TUBGCP2: variants seen among roughly 807,000 people sequenced by gnomAD.
TUBGCP2 encodes the protein gamma-tubulin complex component 2.
A neutral mutation model predicts 92.2 loss-of-function variants in TUBGCP2; 55 were observed. The observed-to-expected ratio is 0.60, with a 90% CI of 0.48 to 0.75. The LOEUF is 0.75. TUBGCP2 is among the 30% of genes least tolerant of loss of function. The probability of loss-of-function intolerance (pLI) is 0.00; values close to 1 mark genes in which losing one functional copy is unlikely to be tolerated. For missense variants in TUBGCP2, 1,093 were observed against 1,188.9 expected (o/e 0.92, Z 1.19); for synonymous variants, 533 against 505.2 (o/e 1.06, Z -0.74).
chr10:133,299,938 A>G, intron 3 of TUBGCP2, 47 bp downstream of exon 3: 1 of 1,602,204 alleles, frequency 6.2e-7, no homozygotes. Flanking sequence ...CCCCACTCCC[A>G]ACATGGGCCG....
intron 3 of TUBGCP2, 151 bp from the exon 4 acceptor site, chr10:133,299,754 G>A (rs1035649207): frequency 2.8e-5 from 24 of 845,564 alleles, no homozygotes; most frequent in Admixed American, 8.2e-5. Context: ...GGAACTGAGC[G>A]TGACACATGC....
At chr10:133,287,764 G>A (rs951678075) in intron 11 of TUBGCP2, among the ~76,000 whole-genome samples, 2 of 151,394 alleles carry the variant, frequency 1.3e-5, no homozygotes, top group African/African-American at 2.4e-5. Context: ...AAAAAACAAC[G>A]ACAACAAAAA....
Position 133,302,789 on chromosome 10 carries a change from C to T in TUBGCP2, c.150+3G>A, listed in dbSNP as rs756548088. On this transcript the variant is annotated splice_donor_region_variant and intron_variant, in intron 2 of 17. Coordinates refer to ENST00000252936, the MANE Select transcript of TUBGCP2 (RefSeq NM_006659.4). The stretch of plus-strand genomic sequence containing the variant: ...ACAGCGCTACACCAAGGGCAGTGCT[C>T]ACCTTGGCACTGTGAGCAGAGACAG... 1.2e-6 allele frequency: 2 copies of T among 1,612,368 alleles called. No individual in the cohort carries two copies. Among genetic ancestry groups the T allele is most frequent in the Non-Finnish European group, 1.7e-6 (2 of 1,179,962 alleles).
At chr10:133,305,873 T>C (rs1036216639) in intron 1 of TUBGCP2, among the ~76,000 whole-genome samples, 1 of 152,232 alleles carries the variant, frequency 6.6e-6, no homozygotes, top group East Asian at 1.9e-4. Context: ...GCACGCGCCA[T>C]GGAGCCCCAT....
upstream of TUBGCP2, chr10:133,310,549 G>A (rs1847967454): frequency 1.0e-5 from 5 of 498,760 alleles, no homozygotes; most frequent in Non-Finnish European, 1.8e-5. Context: ...GTGGGAATGA[G>A]CGGGCGCAGC....
intron 2 of TUBGCP2, chr10:133,302,302 A>C (rs1847682420): frequency 4.8e-6 from 1 of 208,022 alleles, no homozygotes; most frequent in Non-Finnish European, 9.9e-6. Context: ...ACAGCCCTGC[A>C]CCAGGGGCAG....
At position 133,285,021 on chromosome 10, in the gene TUBGCP2, C is replaced by T; in HGVS notation, c.2024+64G>A. 7 of 1,540,954 alleles carry T rather than the reference C, an allele frequency of 4.5e-6. No homozygotes were observed. The highest frequency in any genetic ancestry group is 2.3e-5 in the East Asian group (1 of 44,074). ...AGGAGGGCACAAGGGGGGCGCTGCA[C>T]CACTGGGCAGAGTGCAGCGAGCGCT... On this transcript the variant is annotated intron_variant, in intron 13 of 17. Coordinates refer to ENST00000252936, the MANE Select transcript of TUBGCP2 (RefSeq NM_006659.4). This position sits in a 1 kb window ranked among gnomAD's most constrained non-coding sequence, Gnocchi z 6.8.
upstream of TUBGCP2, chr10:133,309,225 G>T: frequency 1.0e-6 from 1 of 978,984 alleles, no homozygotes; most frequent in South Asian, 2.0e-5. Context: ...GGACAGGCGG[G>T]ACCTGAGGTG....
At chr10:133,311,680 C>A, upstream of TUBGCP2, 1 of 1,546,156 alleles carries the variant, frequency 6.5e-7, no homozygotes, top group Non-Finnish European at 8.9e-7. Context: ...CTGTGGGAGC[C>A]GTGCAGGGCA....
upstream of TUBGCP2, chr10:133,310,469 C>G: frequency 1.3e-6 from 1 of 762,970 alleles, no homozygotes; most frequent in Middle Eastern, 3.8e-4. Context: ...AGCGGCCACC[C>G]TGCCGAAGGG....
At chr10:133,292,114 A>G (rs865943336) in intron 8 of TUBGCP2, among the ~76,000 whole-genome samples, 2 of 7,282 alleles carry the variant, frequency 2.7e-4, no homozygotes, top group Non-Finnish European at 5.6e-4. Context: ...CGTGTCCCCC[A>G]TGTCCCCCAT....
At position 133,293,073 on chromosome 10, in the gene TUBGCP2, T is replaced by C. The variant is rs1433957628; in HGVS notation, c.990A>G (p.Pro330=). 2.5e-6 allele frequency: 4 copies of C among 1,613,646 alleles called. No homozygotes were observed. The highest frequency in any genetic ancestry group is 3.4e-6 in the Non-Finnish European group (4 of 1,180,034). The part of the protein sequence containing the change: ...SLQKLWFYIQ[P]AMRTMDILAS... ...CCAGGATGTCCATGGTGCGCATGGC[T>C]GGCTGGATGTAGAACCAGAGCTTCT... Residue 330 remains proline, a synonymous_variant, in exon 7 of 18, where the codon CCA becomes CCG. Coordinates refer to ENST00000252936, the MANE Select transcript of TUBGCP2 (RefSeq NM_006659.4).
upstream of TUBGCP2, chr10:133,309,848 C>T (rs1847947594): frequency 6.2e-7 from 1 of 1,613,818 alleles, no homozygotes; most frequent in East Asian, 2.2e-5. Context: ...ACGAGCACCA[C>T]TACCACACGC....
At position 133,299,441 on chromosome 10, in the gene TUBGCP2, A is replaced by G. The variant is rs1231689857; in HGVS notation, c.442T>C (p.Ser148Pro). Residue 148 changes from serine to proline, a missense_variant, in exon 4 of 18, where the codon TCC (serine) becomes CCC (proline). Physicochemically the swap from Ser to Pro is moderately conservative, Grantham distance 74. Transcript: ENST00000252936. ...RKQLGSVATG[S>P]TLQQSLELKR... is the part of the protein sequence containing the mutation. ...GGACGCAGTACCTGCTGCAGCGTGG[A>G]GCCTGTGGCCACGCTGCCAAGCTGC... The G allele has an allele frequency of 1.2e-6, 2 of 1,605,308 alleles. No homozygotes were observed. Among genetic ancestry groups the G allele is most frequent in the Non-Finnish European group, 1.7e-6 (2 of 1,178,678 alleles).
chr10:133,293,313 A>C, intron 6 of TUBGCP2, 75 bp from the exon 7 acceptor site: 3 of 1,533,422 alleles, frequency 2.0e-6, no homozygotes, highest in Non-Finnish European at 2.7e-6. Flanking sequence ...TCTGAGTCTC[A>C]TCCCAAACAG....
rs1480594634 is a variant in TUBGCP2, at chr10:133,283,842, G to A, written c.2145+40C>T. ...CTTCCTGTCTCCCTGTGAAAGGAAAGTGGCTTTCAAACGTTATTATCTGTG... is the reference window on the plus strand; with the variant it reads ...CTTCCTGTCTCCCTGTGAAAGGAAAATGGCTTTCAAACGTTATTATCTGTG... On this transcript the variant is annotated intron_variant, in intron 14 of 17. Coordinates refer to ENST00000252936, the MANE Select transcript of TUBGCP2 (RefSeq NM_006659.4). 5 of 1,608,388 alleles carry A rather than the reference G, an allele frequency of 3.1e-6. No individual in the cohort carries two copies. In the African/African-American group the frequency reaches 6.7e-5, roughly 21 times the overall value.
At chr10:133,310,134 CAG>C, upstream of TUBGCP2, 1 of 1,613,032 alleles carries the variant, frequency 6.2e-7, no homozygotes, top group African/African-American at 1.3e-5. Flanking sequence ...GGCCAGGGGT[CAG>C]AGGGAGGTGA....
chr10:133,286,462 GGT>G (rs1847135067), intron 11 of TUBGCP2, among the ~76,000 whole-genome samples: 1 of 152,162 alleles, frequency 6.6e-6, no homozygotes, highest in African/African-American at 2.4e-5. Context: ...AGGGAGACTC[GGT>G]GCCCTACTTC....
upstream of TUBGCP2, chr10:133,309,048 C>T: frequency 7.8e-7 from 1 of 1,278,260 alleles, no homozygotes; most frequent in Non-Finnish European, 9.9e-7. Context: ...CGCCCTTTCG[C>T]TTCGTTGCGC....
Sources: gnomAD v4.1 joint callset for allele counts (sites outside exome capture counted in the v4.1 genomes callset) on GRCh38, gnomAD v4.1.1 for gene constraint, Gnocchi (gnomAD v3.1) non-coding constraint, MANE v1.5 for transcripts, NCBI Gene and HGNC (gene_info 2026-07-23, HGNC 2026-07-21) for gene names.